TRMT1: variants seen among roughly 807,000 people sequenced by gnomAD.
The protein encoded by TRMT1 is tRNA (guanine(26)-N(2))-dimethyltransferase.
In TRMT1, 63 loss-of-function variants were observed where a neutral mutation model predicts 75.4. The observed-to-expected ratio is 0.84, with a 90% CI of 0.68 to 1.03. The LOEUF (loss-of-function observed/expected upper bound fraction) is 1.03. TRMT1 is among the 50% of genes least tolerant of loss of function. The pLI is 0.00. For synonymous variants in TRMT1, 382 were observed against 358.1 expected (o/e 1.07, Z -0.75); for missense variants, 870 against 905.3 (o/e 0.96, Z 0.50).
intron 7 of TRMT1, among the ~76,000 whole-genome samples, chr19:13,112,280 C>T (rs935392005): frequency 1.3e-5 from 2 of 152,116 alleles, no homozygotes; most frequent in Admixed American, 6.5e-5. Context: ...TGAGCCACTG[C>T]GCCCGGCCTT....
chr19:13,112,973 A>G lies in TRMT1; in HGVS notation c.680T>C (p.Phe227Ser). 1 of 1,613,738 alleles carries G rather than the reference A, an allele frequency of 6.2e-7. No individual in the cohort carries two copies. Among genetic ancestry groups the G allele is most frequent in the Non-Finnish European group, 8.5e-7 (1 of 1,179,838 alleles). ...MYQHQRVSER[F>S]DVIDLDPYGS... Reference sequence around the variant, plus strand: ...ATAGGGGTCCAGATCGATGACGTCAAACCTCTCCGACACCCTCTGGTGCTG... The same window carrying G: ...ATAGGGGTCCAGATCGATGACGTCAGACCTCTCCGACACCCTCTGGTGCTG... The change falls in exon 6 of 17, where the codon TTT (phenylalanine) becomes TCT (serine). Residue 227 changes from phenylalanine (F) to serine (S), a missense_variant. Physicochemically the swap from Phe to Ser is radical, Grantham distance 155 (BLOSUM62 -2). Transcript: ENST00000357720.
At chr19:13,106,816 TA>T (rs2018892346) in intron 14 of TRMT1, among the ~76,000 whole-genome samples, 2 of 75,146 alleles carry the variant, frequency 2.7e-5, no homozygotes, top group African/African-American at 4.5e-5. Context: ...TTTTTATTTT[TA>T]TTTATTTATT....
chr19:13,109,116 A>G (rs185706930), intron 12 of TRMT1, among the ~76,000 whole-genome samples: 1 of 149,024 alleles, frequency 6.7e-6, no homozygotes, highest in East Asian at 1.9e-4. Context: ...GTGTATACAT[A>G]CGTATGTATG....
At position 13,106,269 on chromosome 19, in the gene TRMT1, A is replaced by G. The variant is rs536507973; in HGVS notation, c.1584-663T>C. Among the ~76,000 whole-genome samples the G allele has an allele frequency of 4.6e-5, 6 of 130,036 alleles. No individual in the cohort carries two copies. The South Asian group carries it at 1.5e-3, about 32-fold the overall frequency. The allele number at this position is 130,036 out of a possible 152,430, so 85.3% of individuals were successfully genotyped here. A position where few individuals can be genotyped will look rare whatever the true frequency, so the allele number is the denominator to read the frequency against. On this transcript the variant is annotated intron_variant, in intron 14 of 16. Transcript: ENST00000357720. ...GTTTTCTGGTAGAGATGGAGTCTTA[A>G]TTACTGTGTTGCCCAGGCTGGTTTC...
At chr19:13,110,944 C>G (rs2019115227) in intron 7 of TRMT1, among the ~76,000 whole-genome samples, 1 of 152,086 alleles carries the variant, frequency 6.6e-6, no homozygotes, top group Non-Finnish European at 1.5e-5. Context: ...GAGTGAAACT[C>G]CATCTCAAAA....
intron 12 of TRMT1, 134 bp downstream of exon 12, chr19:13,109,247 T>C: frequency 9.5e-7 from 1 of 1,049,434 alleles, no homozygotes. Flanking sequence ...CCCAAGGTAC[T>C]GGGATTACAG....
At chr19:13,107,529 T>C (rs745898862) in intron 14 of TRMT1, 45 bp downstream of exon 14, 18 of 1,562,242 alleles carry the variant, frequency 1.2e-5, no homozygotes, top group African/African-American at 2.7e-5. Context: ...TGTGCTTCCA[T>C]GTCTGTGGGC....
chr19:13,106,833 A>G (rs982968115), intron 14 of TRMT1, among the ~76,000 whole-genome samples: 2 of 141,694 alleles, frequency 1.4e-5, no homozygotes, highest in African/African-American at 2.6e-5. Flanking sequence ...TTATTTATTT[A>G]TTTATTTGAG....
At chr19:13,107,694 AC>A in intron 13 of TRMT1, 44 bp from the exon 14 acceptor site, 1 of 1,573,626 alleles carries the variant, frequency 6.4e-7, no homozygotes, top group Non-Finnish European at 8.6e-7. Context: ...GGCCCAAGGG[AC>A]CTCCAGGTGA....
At chr19:13,106,990 A>ATT (rs1240292694) in intron 14 of TRMT1, among the ~76,000 whole-genome samples, 6 of 121,234 alleles carry the variant, frequency 4.9e-5, no homozygotes, top group Admixed American at 8.6e-5. Context: ...CGCCCGGCTA[A>ATT]TTTTTTTTTT....
Position 13,110,198 on chromosome 19 carries a change from G to A in TRMT1, c.979C>T (p.Arg327Cys), listed in dbSNP as rs781598456. 19 of 1,612,402 alleles carry A rather than the reference G, an allele frequency of 1.2e-5. No homozygotes were observed. The highest frequency in any genetic ancestry group is 5.3e-5 in the African/African-American group (4 of 74,870). ...ACCTTGGCCTGGCCGGTGAAGACAC[G>A]GACAAAAACACGCACGTAGAAGTCA... Reference protein sequence around the residue: ...SADFYVRVFVRVFTGQAKVKA... With the variant: ...SADFYVRVFVCVFTGQAKVKA... Residue 327 changes from arginine to cysteine, a missense_variant, in exon 8 of 17, where the codon CGT becomes TGT. Coordinates refer to ENST00000357720, the MANE Select transcript of TRMT1 (RefSeq NM_001136035.4).
rs371330887 is a variant in TRMT1 at position 13,110,168 on chromosome 19, C to T, written c.1009G>A (p.Ala337Thr). 31 of 1,612,162 alleles carry T rather than the reference C, an allele frequency of 1.9e-5. No homozygotes were observed. In the African/African-American group the frequency reaches 3.7e-4, roughly 19 times the overall value. ...TGCCCCCGGGCTGACCTGGCTGAGG[C>T]CTTGACCTTGGCCTGGCCGGTGAAG... Reference protein sequence around the residue: ...RVFTGQAKVKASASKQALVFQ... With the variant: ...RVFTGQAKVKTSASKQALVFQ... The change falls in exon 8 of 17, where the codon GCC becomes ACC. Residue 337 changes from alanine to threonine, a missense_variant. Transcript: ENST00000357720.
chr19:13,115,644 G>A lies in TRMT1; in HGVS notation c.435C>T (p.Ala145=). Residue 145 remains alanine (A), a synonymous_variant, in exon 4 of 17, where the codon GCC becomes GCT. Transcript: ENST00000357720. ...GCCCCACCTCACAGATCTCCCCCAC[G>A]GCCGCTGTGCGAGGTTGGTCTCCTG... ...LASGDQPRTA[A]VGEICEEGLH... is the part of the protein sequence containing the mutation. The A allele has an allele frequency of 1.2e-6, 2 of 1,613,814 alleles. No individual in the cohort carries two copies. Among genetic ancestry groups the A allele is most frequent in the African/African-American group, 1.3e-5 (1 of 74,962 alleles).
Position 13,109,931 on chromosome 19 carries a change from C to T in TRMT1, c.1090G>A (p.Gly364Arg), listed in dbSNP as rs769132259. 6.2e-7 allele frequency: 1 copy of T among 1,614,068 alleles called. No homozygotes were observed. Among genetic ancestry groups the T allele is most frequent in the South Asian group, 1.1e-5 (1 of 91,090 alleles). Residue 364 changes from glycine to arginine, a missense_variant, in exon 9 of 17, where the codon GGA (glycine) becomes AGA (arginine). Transcript: ENST00000357720. Reference protein sequence around the residue: ...FHLQRLGKASGVPSGRAKFSA... With the variant: ...FHLQRLGKASRVPSGRAKFSA... ...CCTGCTCACCGGCCGCTGGGGACTC[C>T]TGACGCTTTGCCGAGACGCTGAAGG...
intron 12 of TRMT1, among the ~76,000 whole-genome samples, chr19:13,108,912 ATT>A (rs74181811): frequency 9.7e-4 from 122 of 126,058 alleles, no homozygotes; most frequent in South Asian, 2.2e-3. Context: ...GCCTGGCCTA[ATT>A]TTTTTTTTTT....
rs1375643421 is a variant in TRMT1 at position 13,104,979 on chromosome 19, T to C, written c.1936A>G (p.Thr646Ala). The C allele has an allele frequency of 1.2e-6, 2 of 1,612,030 alleles. No homozygotes were observed. The highest frequency in any genetic ancestry group is 1.7e-6 in the Non-Finnish European group (2 of 1,179,658). The change falls in exon 17 of 17, where the codon ACC becomes GCC. Residue 646 changes from threonine to alanine, a missense_variant. Coordinates refer to ENST00000357720, the MANE Select transcript of TRMT1 (RefSeq NM_001136035.4). ...APDCPETSNQ[T>A]PPGPGAAAGP... Reference sequence around the variant, plus strand: ...GCGGCAGCCCCAGGTCCAGGGGGGGTCTGGTTGGAGGTCTCTGGACAGTCA... The same window carrying C: ...GCGGCAGCCCCAGGTCCAGGGGGGGCCTGGTTGGAGGTCTCTGGACAGTCA...
Position 13,107,578 on chromosome 19 carries a change from G to A in TRMT1, c.1579C>T (p.Pro527Ser), listed in dbSNP as rs768069805. 3.1e-6 allele frequency: 5 copies of A among 1,602,682 alleles called. No individual in the cohort carries two copies. Among genetic ancestry groups the A allele is most frequent in the Non-Finnish European group, 3.4e-6 (4 of 1,173,564 alleles). ...CCTGCATGTGCTTGCCCCTACCTGG[G>A]CTCCACACTGAGAATGCGGAACGCT... is the stretch of plus-strand genomic sequence containing the variant. ...SPAFRILSVE[P>S]RLQANFTIRE... The change falls in exon 14 of 17, where the codon CCC becomes TCC. Residue 527 changes from proline to serine, a missense_variant. By Grantham distance (74) the Pro-to-Ser change is moderately conservative. Coordinates refer to ENST00000357720, the MANE Select transcript of TRMT1 (RefSeq NM_001136035.4).
In TRMT1 at chr19:13,104,964, C is replaced by G. The variant is rs1448852770; in HGVS notation, c.1951G>C (p.Gly651Arg). ...ETSNQTPPGPGAAAGPGID is the reference protein window; with the variant it reads ...ETSNQTPPGPRAAAGPGID ...TCTATGCCTGGCCCAGCGGCAGCCC[C>G]AGGTCCAGGGGGGGTCTGGTTGGAG... Residue 651 changes from glycine to arginine, a missense_variant, in exon 17 of 17, where the codon GGG becomes CGG. Transcript: ENST00000357720. 6.2e-7 allele frequency: 1 copy of G among 1,613,902 alleles called. No homozygotes were observed. The highest frequency in any genetic ancestry group is 2.2e-5 in the East Asian group (1 of 44,886).
intron 4 of TRMT1, 74 bp downstream of exon 4, chr19:13,115,552 T>TA (rs1415632363): frequency 6.2e-7 from 1 of 1,606,072 alleles, no homozygotes; most frequent in Non-Finnish European, 8.5e-7. Context: ...CCACCTCCTA[T>TA]AGCTCTCCCC....
Sources: gnomAD v4.1 joint callset for allele counts (sites outside exome capture counted in the v4.1 genomes callset) on GRCh38, gnomAD v4.1.1 for gene constraint, MANE v1.5 for transcripts, NCBI Gene and HGNC (gene_info 2026-07-23, HGNC 2026-07-21) for gene names.